The following EMILIN2 variants were observed in gnomAD, a reference collection of about 807,000 sequenced individuals.
EMILIN2 encodes the protein EMILIN-2.
A neutral mutation model predicts 87.1 loss-of-function variants in EMILIN2; 71 were observed. The ratio of observed to expected loss-of-function variants is 0.82; its 90% CI spans 0.67 to 0.99. EMILIN2 has a LOEUF of 0.99. Among genes scored for constraint, EMILIN2 ranks in the 50% least tolerant of loss-of-function variants. The pLI is 0.00. For missense variants in EMILIN2, 1,407 were observed against 1,371.8 expected (o/e 1.03, Z -0.40); for synonymous variants, 581 against 563.4 (o/e 1.03, Z -0.44).
At chr18:2,882,142 C>G (rs1046024079) in intron 2 of EMILIN2, among the ~76,000 whole-genome samples, 6 of 152,198 alleles carry the variant, frequency 3.9e-5, no homozygotes, top group Admixed American at 1.3e-4. Context: ...TGTTTTCTCA[C>G]TTGTGAAAAG....
At chr18:2,867,603 C>T (rs1038835810) in intron 2 of EMILIN2, among the ~76,000 whole-genome samples, 1 of 152,218 alleles carries the variant, frequency 6.6e-6, no homozygotes, top group Non-Finnish European at 1.5e-5. Context: ...ACATCTTGCA[C>T]CGCCCTTAAT....
rs1339403861 is a variant in EMILIN2 at position 2,913,678 on chromosome 18, GAGGGCCC to G, written c.*275_*281del. The G allele has an allele frequency of 1.7e-5, 7 of 404,356 alleles. No homozygotes were observed. Among genetic ancestry groups the G allele is most frequent in the Non-Finnish European group, 3.1e-5 (7 of 223,756 alleles). The allele number at this position is 404,356 out of a possible 1,614,324, so 25.0% of individuals were successfully genotyped here. ...AGGCCTCCACCTGTATCTACACTCT[GAGGGCCC>G]TGGACTGGGCCTGAGCTTGCCACAG... On this transcript the variant is annotated 3_prime_UTR_variant, in exon 8 of 8. Coordinates refer to ENST00000254528, the MANE Select transcript of EMILIN2 (RefSeq NM_032048.3).
In EMILIN2 at chr18:2,885,152, T is replaced by A; in HGVS notation, c.433+13T>A. The A allele has an allele frequency of 6.3e-7, 1 of 1,588,726 alleles. No individual in the cohort carries two copies. On this transcript the variant is annotated intron_variant, in intron 3 of 7. Coordinates refer to ENST00000254528, the MANE Select transcript of EMILIN2 (RefSeq NM_032048.3). The stretch of plus-strand genomic sequence containing the variant: ...AAGAAAGCCACAGGTAACTTCTTAT[T>A]TGTGCTATTATGTATGGCCACCTTT...
intron 4 of EMILIN2, among the ~76,000 whole-genome samples, chr18:2,901,280 C>A (rs568102275): frequency 6.6e-6 from 1 of 152,234 alleles, no homozygotes; most frequent in Admixed American, 6.5e-5. Flanking sequence ...TCTCCTCCTG[C>A]AGCCCAGCTG....
intron 2 of EMILIN2, among the ~76,000 whole-genome samples, chr18:2,860,379 C>T (rs1338270209): frequency 6.6e-6 from 1 of 151,992 alleles, no homozygotes; most frequent in African/African-American, 2.4e-5. Context: ...TAATGCTATC[C>T]CTCCCACTTC....
rs548212283 is a variant in EMILIN2 at position 2,915,654 on chromosome 18, C to G, written c.*2250C>G. ...TCTCCTACCTCAGCCTCCCGAGTAG[C>G]GGGGACTACAGGTGCATGCCGCCAC... On this transcript the variant is annotated 3_prime_UTR_variant, in exon 8 of 8. Transcript: ENST00000254528. 6.6e-6 allele frequency: 1 copy of G among 152,346 alleles called. No homozygotes were observed. The highest frequency in any genetic ancestry group is 1.5e-5 in the Non-Finnish European group (1 of 68,206). 9.4% of individuals were successfully genotyped at this position (152,346 alleles called of 1,614,324 possible).
intron 2 of EMILIN2, among the ~76,000 whole-genome samples, chr18:2,868,388 C>G (rs989196426): frequency 3.9e-5 from 6 of 152,182 alleles, no homozygotes; most frequent in African/African-American, 1.2e-4. Context: ...CTCACTTCCC[C>G]GACAGGGTGG....
chr18:2,871,949 G>T (rs928416316), intron 2 of EMILIN2, among the ~76,000 whole-genome samples: 2 of 151,992 alleles, frequency 1.3e-5, no homozygotes, highest in African/African-American at 4.8e-5. Flanking sequence ...AATGTCTGGG[G>T]GGCAAAAGAG....
At chr18:2,909,589 G>C in intron 6 of EMILIN2, 102 bp from the exon 7 acceptor site, 2 of 1,457,990 alleles carry the variant, frequency 1.4e-6, no homozygotes, top group East Asian at 2.4e-5. Flanking sequence ...AATAAAATGG[G>C]CCTGGCACCT....
Position 2,890,097 on chromosome 18 carries a change from C to G in EMILIN2, c.434-464C>G. ...ACCATCCAACAGCTAATGGGTGGATCTTGCTAAAGTGGTTTCTTGTGGTTT... is the reference window on the plus strand; with the variant it reads ...ACCATCCAACAGCTAATGGGTGGATGTTGCTAAAGTGGTTTCTTGTGGTTT... On this transcript the variant is annotated intron_variant, in intron 3 of 7. Transcript: ENST00000254528. The surrounding 1 kb of genome is among the most constrained non-coding windows in gnomAD (Gnocchi z 4.7). Among the ~76,000 whole-genome samples, 1 of 152,164 alleles carries G rather than the reference C, an allele frequency of 6.6e-6. No individual in the cohort carries two copies. The highest frequency in any genetic ancestry group is 1.9e-4 in the East Asian group (1 of 5,190).
At position 2,913,220 on chromosome 18, in the gene EMILIN2, A is replaced by G; in HGVS notation, c.2978A>G (p.His993Arg). 1 of 1,613,776 alleles carries G rather than the reference A, an allele frequency of 6.2e-7. No individual in the cohort carries two copies. The highest frequency in any genetic ancestry group is 1.1e-5 in the South Asian group (1 of 91,076). Residue 993 changes from histidine to arginine, a missense_variant, in exon 8 of 8, where the codon CAC becomes CGC. Physicochemically the swap from His to Arg is conservative, Grantham distance 29 (BLOSUM62 0). Transcript: ENST00000254528. ...TACAGGAGAGAGTTCCTGGAATACC[A>G]CCGCCCTCCAGGAGCTTTGCATACC... ...AGYRREFLEY[H>R]RPPGALHTCG...
At chr18:2,853,010 C>G (rs1176134853) in intron 2 of EMILIN2, among the ~76,000 whole-genome samples, 1 of 152,006 alleles carries the variant, frequency 6.6e-6, no homozygotes, top group Non-Finnish European at 1.5e-5. Flanking sequence ...AAGGGTGGCT[C>G]AATAGAATCT....
chr18:2,889,853 G>T (rs574133978), intron 3 of EMILIN2, among the ~76,000 whole-genome samples: 1 of 152,010 alleles, frequency 6.6e-6, no homozygotes, highest in Non-Finnish European at 1.5e-5. Flanking sequence ...ATTCTTTGAC[G>T]TAGTGAATCT....
At chr18:2,865,679 T>C (rs2076683060) in intron 2 of EMILIN2, among the ~76,000 whole-genome samples, 1 of 152,194 alleles carries the variant, frequency 6.6e-6, no homozygotes, top group Non-Finnish European at 1.5e-5. Flanking sequence ...GAGGAGGCAG[T>C]CTGTCCGTTC....
At chr18:2,877,856 A>G (rs1406647257) in intron 2 of EMILIN2, among the ~76,000 whole-genome samples, 1 of 152,206 alleles carries the variant, frequency 6.6e-6, no homozygotes, top group Non-Finnish European at 1.5e-5. Flanking sequence ...AACTTTGTAA[A>G]AGTGAATTGC....
At position 2,853,603 on chromosome 18, in the gene EMILIN2, C is replaced by T. The variant is rs984387607; in HGVS notation, c.257+5672C>T. Reference sequence around the variant, plus strand: ...TCATTGTTTTCCATTCTTATAGCAACCCTCTGGGGTCACTACCCCCATTTT... The same window carrying T: ...TCATTGTTTTCCATTCTTATAGCAATCCTCTGGGGTCACTACCCCCATTTT... On this transcript the variant is annotated intron_variant, in intron 2 of 7. Coordinates refer to ENST00000254528, the MANE Select transcript of EMILIN2 (RefSeq NM_032048.3). Among the ~76,000 whole-genome samples the T allele has an allele frequency of 3.3e-5, 5 of 152,176 alleles. No individual in the cohort carries two copies. In the South Asian group the frequency reaches 1.0e-3, roughly 32 times the overall value.
At position 2,890,582 on chromosome 18, in the gene EMILIN2, CAG is replaced by C; in HGVS notation, c.458_459del (p.Glu153AlafsTer47). On this transcript the variant is annotated frameshift_variant, in exon 4 of 8. Transcript: ENST00000254528. LOFTEE classifies it high-confidence loss of function. This position sits in a 1 kb window ranked among gnomAD's most constrained non-coding sequence, Gnocchi z 4.7. ...ACAGATAATGAACCCAGCCAATTCT[CAG>C]AGCCCAGGAAGACTTTGTCCCCAAC... 6.3e-7 allele frequency: 1 copy of C among 1,577,132 alleles called. No individual in the cohort carries two copies.
chr18:2,885,625 T>G (rs2002313), intron 3 of EMILIN2, among the ~76,000 whole-genome samples: 7 of 152,158 alleles, frequency 4.6e-5, no homozygotes, highest in African/African-American at 1.7e-4. Flanking sequence ...TTCAAGCAAT[T>G]CTCCTGCCTT....
In EMILIN2 at chr18:2,913,278, G is replaced by A. The variant is rs1800098923; in HGVS notation, c.3036G>A (p.Val1012=). The A allele has an allele frequency of 6.2e-7, 1 of 1,613,310 alleles. No individual in the cohort carries two copies. Residue 1012 remains valine, a synonymous_variant, in exon 8 of 8, where the codon GTG becomes GTA. Transcript: ENST00000254528. ...CGGPGAFHLI[V]HLKAGDAVNV... is the part of the protein sequence containing the mutation. The stretch of plus-strand genomic sequence containing the variant: ...GCCCGGGGGCATTCCACCTCATCGT[G>A]CACCTGAAGGCGGGAGATGCAGTCA...
Sources: gnomAD v4.1 joint callset for allele counts (sites outside exome capture counted in the v4.1 genomes callset) on GRCh38, gnomAD v4.1.1 for gene constraint, Gnocchi (gnomAD v3.1) non-coding constraint, MANE v1.5 for transcripts, NCBI Gene and HGNC (gene_info 2026-07-23, HGNC 2026-07-21) for gene names.